CSMD1: variants seen among roughly 807,000 people sequenced by gnomAD.
The protein encoded by CSMD1 is CUB and sushi domain-containing protein 1.
CSMD1 carries 213 observed loss-of-function variants against 417.5 expected under a neutral mutation model. That is an observed-to-expected ratio of 0.51 (90% confidence interval 0.46 to 0.57). The LOEUF is 0.57. CSMD1 is among the 20% of genes least tolerant of loss of function. The pLI is 0.00. For synonymous variants in CSMD1, 2,862 were observed against 1,736.8 expected, an observed-to-expected ratio of 1.65 and a Z score of -16.11; for missense variants, 6,923 against 4,529.7, an observed-to-expected ratio of 1.53 and a Z score of -15.17.
At chr8:4,629,930 G>A (rs986316299) in intron 2 of CSMD1, among the ~76,000 whole-genome samples, 2 of 152,040 alleles carry the variant, frequency 1.3e-5, no homozygotes, top group Non-Finnish European at 2.9e-5. Flanking sequence ...AATATCCCAG[G>A]AAGCTCCTTC....
chr8:4,924,470 C>G lies in CSMD1; in HGVS notation c.85+69862G>C, dbSNP rs186649670. Among the ~76,000 whole-genome samples the G allele has an allele frequency of 4.9e-3, 746 of 152,246 alleles. 4 individuals are homozygous for G. The highest frequency in any genetic ancestry group is 7.7e-3 in the Non-Finnish European group (523 of 68,010). On this transcript the variant is annotated intron_variant, in intron 1 of 69. Coordinates refer to ENST00000635120, the MANE Select transcript of CSMD1 (RefSeq NM_033225.6). ...AGGCACGGTGGCTCACGCCTGTAATCTCAGTACTTTGAGAGGCTGGGGCGG... is the reference window on the plus strand; with the variant it reads ...AGGCACGGTGGCTCACGCCTGTAATGTCAGTACTTTGAGAGGCTGGGGCGG...
intron 3 of CSMD1, among the ~76,000 whole-genome samples, chr8:4,384,477 T>C (rs1386597278): frequency 6.6e-6 from 1 of 152,236 alleles, no homozygotes. Context: ...TTCTATCTAC[T>C]ATCTATGAAT....
chr8:3,875,694 G>C (rs1563167512), intron 5 of CSMD1, among the ~76,000 whole-genome samples: 1 of 152,204 alleles, frequency 6.6e-6, no homozygotes, highest in African/African-American at 2.4e-5. Flanking sequence ...CTGAGGTCTA[G>C]GGAGGGGGCA....
intron 3 of CSMD1, among the ~76,000 whole-genome samples, chr8:4,202,253 G>A (rs983274328): frequency 1.3e-5 from 2 of 152,100 alleles, no homozygotes; most frequent in African/African-American, 2.4e-5. Context: ...TCACAATTCA[G>A]TTAAGATTTT....
At position 3,387,675 on chromosome 8, in the gene CSMD1, C is replaced by A. The variant is rs368128336; in HGVS notation, c.2601G>T (p.Thr867=). The A allele has an allele frequency of 7.5e-6, 12 of 1,594,342 alleles. No homozygotes were observed. The highest frequency in any genetic ancestry group is 9.4e-6 in the Non-Finnish European group (11 of 1,170,174). The part of the protein sequence containing the change: ...IGFLIHYESV[T]LESDSCLDPG... ...GGTCCAGGCAGGAATCCGACTCAAG[C>A]GTCACACCTGGATGCACAGAACGAA... The change falls in exon 18 of 70, where the codon ACG becomes ACT. Residue 867 remains threonine (T), a synonymous_variant. Transcript: ENST00000635120.
chr8:4,014,717 TG>T lies in CSMD1; in HGVS notation c.611-16608del, dbSNP rs1796440305. Among the ~76,000 whole-genome samples, 3 of 152,312 alleles carry T rather than the reference TG, an allele frequency of 2.0e-5. No individual in the cohort carries two copies. The East Asian group carries it at 5.8e-4, about 29-fold the overall frequency. ...GCTGGAGCTAGAATGACAAAGTCCT[TG>T]CTGGTAAACACTTCGCATGACTGCC... On this transcript the variant is annotated intron_variant, in intron 4 of 69. Coordinates refer to ENST00000635120, the MANE Select transcript of CSMD1 (RefSeq NM_033225.6).
chr8:4,474,244 A>T (rs1393647792), intron 2 of CSMD1, among the ~76,000 whole-genome samples: 1 of 152,186 alleles, frequency 6.6e-6, no homozygotes, highest in Non-Finnish European at 1.5e-5. Context: ...AACACGAGAC[A>T]TAAATTTAAA....
intron 7 of CSMD1, among the ~76,000 whole-genome samples, chr8:3,638,130 T>G (rs1378460033): frequency 6.6e-6 from 1 of 152,160 alleles, no homozygotes; most frequent in African/African-American, 2.4e-5. Flanking sequence ...GGTTGAGTCT[T>G]AAACGTAAGA....
intron 1 of CSMD1, among the ~76,000 whole-genome samples, chr8:4,849,325 A>G (rs1801329278): frequency 6.6e-6 from 1 of 152,136 alleles, no homozygotes; most frequent in South Asian, 2.1e-4. Flanking sequence ...AAGTTTATAA[A>G]GAAAAAAGTA....
At chr8:4,884,265 C>G (rs974807714) in intron 1 of CSMD1, among the ~76,000 whole-genome samples, 2 of 151,664 alleles carry the variant, frequency 1.3e-5, no homozygotes, top group East Asian at 1.9e-4. Flanking sequence ...GTTATTTTTT[C>G]TAGTTACAAG....
At chr8:3,849,382 C>G (rs575091265) in intron 5 of CSMD1, among the ~76,000 whole-genome samples, 3 of 152,248 alleles carry the variant, frequency 2.0e-5, no homozygotes, top group South Asian at 2.1e-4. Context: ...GCTGCCATCA[C>G]AGGCGCCAAG....
At chr8:4,174,546 G>C (rs1301542878) in intron 3 of CSMD1, among the ~76,000 whole-genome samples, 1 of 150,750 alleles carries the variant, frequency 6.6e-6, no homozygotes, top group Admixed American at 6.6e-5. Flanking sequence ...CCTCTCAAAA[G>C]AGATGTTTTT....
chr8:3,941,485 G>T (rs550227483), intron 5 of CSMD1, among the ~76,000 whole-genome samples: 2 of 152,116 alleles, frequency 1.3e-5, no homozygotes, highest in Admixed American at 1.3e-4. Context: ...GCATCCTCAA[G>T]GTATCTGAAT....
chr8:3,914,814 C>G (rs944312519), intron 5 of CSMD1, among the ~76,000 whole-genome samples: 2 of 152,048 alleles, frequency 1.3e-5, no homozygotes, highest in African/African-American at 4.8e-5. Context: ...GACATCTACT[C>G]TACTGAGTGT....
At chr8:3,686,507 T>G (rs906996987) in intron 7 of CSMD1, among the ~76,000 whole-genome samples, 2 of 152,284 alleles carry the variant, frequency 1.3e-5, no homozygotes, top group East Asian at 3.9e-4. Flanking sequence ...AAAAGCCAGT[T>G]ACAAGATCAT....
At chr8:3,394,137 T>G (rs560775093) in intron 17 of CSMD1, among the ~76,000 whole-genome samples, 480 of 144,590 alleles carry the variant, frequency 3.3e-3, no homozygotes, top group Non-Finnish European at 5.9e-3. Flanking sequence ...AAGCCTGCCC[T>G]CTACTTTTAA....
At chr8:3,806,093 C>G (rs999344649) in intron 5 of CSMD1, among the ~76,000 whole-genome samples, 5 of 152,108 alleles carry the variant, frequency 3.3e-5, no homozygotes, top group African/African-American at 1.2e-4. Context: ...TTAGTGGTCT[C>G]CAATATGCCT....
At chr8:2,948,127 C>T (rs1275342855) in intron 68 of CSMD1, among the ~76,000 whole-genome samples, 1 of 151,944 alleles carries the variant, frequency 6.6e-6, no homozygotes, top group Admixed American at 6.6e-5. Context: ...TAGTATTCTA[C>T]AAGTAGGAGA....
intron 3 of CSMD1, among the ~76,000 whole-genome samples, chr8:4,366,458 TG>T (rs1802078340): frequency 6.6e-6 from 1 of 152,232 alleles, no homozygotes; most frequent in South Asian, 2.1e-4. Flanking sequence ...GTGGGACTGC[TG>T]GTTTAAATAG....
Sources: gnomAD v4.1 joint callset for allele counts (sites outside exome capture counted in the v4.1 genomes callset) on GRCh38, gnomAD v4.1.1 for gene constraint, MANE v1.5 for transcripts, NCBI Gene and HGNC (gene_info 2026-07-23, HGNC 2026-07-21) for gene names.